The following ADORA2B variants were observed in gnomAD, a reference collection of about 807,000 sequenced individuals.
ADORA2B encodes adenosine receptor A2b.
ADORA2B carries 18 observed loss-of-function variants against 20.8 expected under a neutral mutation model. That is an observed-to-expected ratio of 0.87 (90% CI 0.60 to 1.29). The LOEUF is 1.29. Ranked by LOEUF, ADORA2B falls within the 50% of genes most tolerant of loss-of-function variation. The pLI is 0.00. For missense variants in ADORA2B, 441 were observed against 422.7 expected (o/e 1.04, Z -0.38); for synonymous variants, 179 against 178.3 (o/e 1.00, Z -0.03).
intron 1 of ADORA2B, among the ~76,000 whole-genome samples, chr17:15,963,535 G>C (rs1461641580): frequency 1.3e-5 from 2 of 152,138 alleles, no homozygotes; most frequent in East Asian, 3.9e-4. Context: ...GTTATCTTTT[G>C]GTCTGGTTCC....
At chr17:15,885,696 A>G in the ADORA2B span, among the ~76,000 whole-genome samples, 2 of 150,444 alleles carry the variant, frequency 1.3e-5, no homozygotes, top group South Asian at 4.3e-4. Context: ...CCTGGACAAC[A>G]GAGCAAGACT....
rs1167350478 is a variant in ADORA2B at position 15,974,596 on chromosome 17, T to A, written c.336-83T>A. 3.9e-6 allele frequency: 5 copies of A among 1,270,278 alleles called. No individual in the cohort carries two copies. The African/African-American group carries it at 7.5e-5, about 19-fold the overall frequency. 78.7% of individuals were successfully genotyped at this position (1,270,278 alleles called of 1,614,324 possible). A position where few individuals can be genotyped will look rare whatever the true frequency, so the allele number is the denominator to read the frequency against. The stretch of plus-strand genomic sequence containing the variant: ...AACTTTAGAGGTTGTTAAAGGGTCA[T>A]GGAAAAAAGAGGAGGTGGGGTCTTG... On this transcript the variant is annotated intron_variant, in intron 1 of 1. Transcript: ENST00000304222.
the ADORA2B span, among the ~76,000 whole-genome samples, chr17:15,914,223 A>G: frequency 4.6e-5 from 7 of 152,150 alleles, no homozygotes; most frequent in Non-Finnish European, 8.8e-5. Context: ...CTTTGAGACA[A>G]TCTCACTCTC....
rs572886566 is a variant in ADORA2B, at chr17:15,964,524, G to T, written c.336-10155G>T. On this transcript the variant is annotated intron_variant, in intron 1 of 1. Coordinates refer to ENST00000304222, the MANE Select transcript of ADORA2B (RefSeq NM_000676.4). ...CTCAGGAGGCTGAGGCAGGAGAATCGCTTGAACCTGGGAGGTGGAGGTTGC... is the reference window on the plus strand; with the variant it reads ...CTCAGGAGGCTGAGGCAGGAGAATCTCTTGAACCTGGGAGGTGGAGGTTGC... Among the ~76,000 whole-genome samples the T allele has an allele frequency of 2.0e-5, 3 of 150,454 alleles. No homozygotes were observed. In the South Asian group the frequency reaches 6.3e-4, roughly 32 times the overall value.
chr17:15,850,743 A>ATGTG, the ADORA2B span: 8 of 160,232 alleles, frequency 5.0e-5, no homozygotes, highest in African/African-American at 1.5e-4. Context: ...CTTTATACAT[A>ATGTG]TGTGTGTGTG....
the ADORA2B span, among the ~76,000 whole-genome samples, chr17:15,855,353 G>A: frequency 6.6e-6 from 1 of 151,646 alleles, no homozygotes; most frequent in African/African-American, 2.4e-5. Context: ...TGTGCAGCTG[G>A]TTGGTGGCTA....
intron 1 of ADORA2B, among the ~76,000 whole-genome samples, chr17:15,969,817 G>A (rs1970167238): frequency 1.3e-5 from 2 of 152,142 alleles, no homozygotes; most frequent in African/African-American, 4.8e-5. Flanking sequence ...TTCAGTCTCC[G>A]TACTCTGGCC....
intron 1 of ADORA2B, chr17:15,973,774 C>T (rs1309076074): frequency 6.6e-6 from 1 of 152,192 alleles, no homozygotes; most frequent in Admixed American, 6.6e-5. Flanking sequence ...TACAGAAGAC[C>T]TAGACTCAAA....
At chr17:15,952,574 T>A (rs1478553408) in intron 1 of ADORA2B, among the ~76,000 whole-genome samples, 2 of 152,046 alleles carry the variant, frequency 1.3e-5, no homozygotes, top group Admixed American at 6.5e-5. Flanking sequence ...TGATGAGGGG[T>A]CCCTTCTAGT....
At chr17:15,956,896 G>A (rs958666178) in intron 1 of ADORA2B, among the ~76,000 whole-genome samples, 2 of 152,132 alleles carry the variant, frequency 1.3e-5, no homozygotes, top group African/African-American at 2.4e-5. Context: ...CACCGCACCC[G>A]GCCTGTGTGT....
rs1173826785 is a variant in ADORA2B at position 15,951,622 on chromosome 17, G to A, written c.335+6039G>A. Among the ~76,000 whole-genome samples, 4 of 152,252 alleles carry A rather than the reference G, an allele frequency of 2.6e-5. No individual in the cohort carries two copies. In the East Asian group the frequency reaches 5.8e-4, roughly 22 times the overall value. ...AGGACACACACATGGCTAGGCAGGG[G>A]CCAAGGTCTGATTTGGTCAGTGAGG... On this transcript the variant is annotated intron_variant, in intron 1 of 1. Coordinates refer to ENST00000304222, the MANE Select transcript of ADORA2B (RefSeq NM_000676.4).
chr17:15,886,563 C>T, the ADORA2B span, among the ~76,000 whole-genome samples: 1 of 130,184 alleles, frequency 7.7e-6, no homozygotes. Context: ...AGGGGGACTG[C>T]CAGTCCACTG....
chr17:15,941,600 C>T (rs534658887), upstream of ADORA2B, among the ~76,000 whole-genome samples: 5 of 152,128 alleles, frequency 3.3e-5, no homozygotes, highest in African/African-American at 1.2e-4. Context: ...TGGTGGTGTG[C>T]ACCTGTAGTC....
At chr17:15,932,653 C>CT in the ADORA2B span, among the ~76,000 whole-genome samples, 1 of 152,060 alleles carries the variant, frequency 6.6e-6, no homozygotes. Context: ...CAACTTAATT[C>CT]TTTTGCATGT....
At chr17:15,962,393 C>A (rs952648646) in intron 1 of ADORA2B, among the ~76,000 whole-genome samples, 1 of 152,118 alleles carries the variant, frequency 6.6e-6, no homozygotes, top group South Asian at 2.1e-4. Flanking sequence ...CCACATTTAT[C>A]AGTTTGCATT....
chr17:15,952,711 A>G (rs1423762578), intron 1 of ADORA2B, among the ~76,000 whole-genome samples: 2 of 152,240 alleles, frequency 1.3e-5, no homozygotes, highest in African/African-American at 4.8e-5. Context: ...GCCAATGTGA[A>G]TGGAATCTCA....
intron 1 of ADORA2B, among the ~76,000 whole-genome samples, chr17:15,951,266 CAG>C (rs926989337): frequency 1.3e-5 from 2 of 152,188 alleles, no homozygotes; most frequent in Non-Finnish European, 2.9e-5. Flanking sequence ...GAGAGGAGTG[CAG>C]AGGTGTCCGG....
the ADORA2B span, among the ~76,000 whole-genome samples, chr17:15,855,065 G>A: frequency 6.6e-6 from 1 of 151,742 alleles, no homozygotes; most frequent in Non-Finnish European, 1.5e-5. Context: ...AAGTAGCTGG[G>A]ATTACAGGTC....
chr17:15,864,674 G>T, the ADORA2B span, among the ~76,000 whole-genome samples: 1 of 152,180 alleles, frequency 6.6e-6, no homozygotes, highest in Admixed American at 6.5e-5. Flanking sequence ...GGCAATGGTT[G>T]TCTTGAGTAA....
Sources: allele counts gnomAD v4.1 joint callset (sites outside exome capture counted in the v4.1 genomes callset), GRCh38; gene constraint gnomAD v4.1.1; transcripts MANE v1.5; gene names NCBI Gene and HGNC (gene_info 2026-07-23, HGNC 2026-07-21).